Variants in EPS8 observed in about 807,000 individuals in gnomAD.
The protein encoded by EPS8 is epidermal growth factor receptor kinase substrate 8.
EPS8 carries 42 observed loss-of-function variants against 103.8 expected under a neutral mutation model. That is an observed-to-expected ratio of 0.40 (90% CI 0.32 to 0.52). EPS8 has a LOEUF of 0.52. EPS8 is among the 20% of genes least tolerant of loss of function. EPS8 has a pLI of 0.40. For missense variants in EPS8, 969 were observed against 1,005.1 expected (o/e 0.96, Z 0.49); for synonymous variants, 344 against 344.6 (o/e 1.00, Z 0.02).
At chr12:15,705,250 G>C (rs1946369023) in intron 1 of EPS8, among the ~76,000 whole-genome samples, 1 of 152,110 alleles carries the variant, frequency 6.6e-6, no homozygotes, top group African/African-American at 2.4e-5. Flanking sequence ...CCTACACACT[G>C]ATCTCAGTCT....
At chr12:15,737,088 G>A (rs1293722786) in intron 1 of EPS8, among the ~76,000 whole-genome samples, 2 of 152,104 alleles carry the variant, frequency 1.3e-5, no homozygotes, top group Non-Finnish European at 2.9e-5. Context: ...AGGGGCTCAG[G>A]CCTCATACCT....
intron 15 of EPS8, among the ~76,000 whole-genome samples, chr12:15,643,420 T>C (rs541306045): frequency 5.3e-5 from 8 of 152,210 alleles, no homozygotes; most frequent in African/African-American, 1.9e-4. Flanking sequence ...AAACAGACAA[T>C]CACAATTTGT....
At chr12:15,743,080 C>T (rs968500281) in intron 1 of EPS8, among the ~76,000 whole-genome samples, 1 of 152,142 alleles carries the variant, frequency 6.6e-6, no homozygotes, top group African/African-American at 2.4e-5. Flanking sequence ...GATACAAAAT[C>T]AATGTGCAAA....
At chr12:15,729,248 TTG>T (rs1946687147) in intron 1 of EPS8, among the ~76,000 whole-genome samples, 1 of 152,216 alleles carries the variant, frequency 6.6e-6, no homozygotes, top group Non-Finnish European at 1.5e-5. Context: ...TGTCCTGAGC[TTG>T]GCGTCTCTCA....
chr12:15,687,845 T>A (rs991745043), intron 1 of EPS8, among the ~76,000 whole-genome samples: 8 of 152,206 alleles, frequency 5.3e-5, no homozygotes, highest in Non-Finnish European at 1.0e-4. Flanking sequence ...TTCAAAATGT[T>A]TTGATATTTT....
Position 15,784,750 on chromosome 12 carries a change from T to C in EPS8, c.-22+4411A>G, listed in dbSNP as rs1591942294. Among the ~76,000 whole-genome samples the C allele has an allele frequency of 6.6e-6, 1 of 152,102 alleles. No homozygotes were observed. The highest frequency in any genetic ancestry group is 2.4e-5 in the African/African-American group (1 of 41,440). On this transcript the variant is annotated intron_variant, in intron 1 of 20. Coordinates refer to ENST00000281172, the MANE Select transcript of EPS8 (RefSeq NM_004447.6). This position sits in a 1 kb window ranked among gnomAD's most constrained non-coding sequence, Gnocchi z 4.0. ...TGGAAGCAACCAAAATATCCTTCAA[T>C]AGGTGAATAAACAAACCATGATATA...
At chr12:15,627,940 T>C (rs963766118) in intron 18 of EPS8, among the ~76,000 whole-genome samples, 2 of 152,102 alleles carry the variant, frequency 1.3e-5, no homozygotes, top group African/African-American at 2.4e-5. Context: ...CTATGATTTT[T>C]CCCCCCTAGG....
chr12:15,765,793 G>A (rs999235562), intron 1 of EPS8, among the ~76,000 whole-genome samples: 1 of 150,884 alleles, frequency 6.6e-6, no homozygotes, highest in African/African-American at 2.4e-5. Flanking sequence ...TCTACTTTTG[G>A]AGAAAAGTGG....
In EPS8 at chr12:15,702,544, C is replaced by A. The variant is rs1946323504; in HGVS notation, c.-21-19572G>T. 6.6e-6 allele frequency among the ~76,000 whole-genome samples: 1 copy of A among 152,010 alleles called. No individual in the cohort carries two copies. Among genetic ancestry groups the A allele is most frequent in the Non-Finnish European group, 1.5e-5 (1 of 68,014 alleles). ...TATGAGATCAGTGTCTGGAAATCTT[C>A]ATAGAGCAGCAGCAAACTACTGAAG... On this transcript the variant is annotated intron_variant, in intron 1 of 20. Coordinates refer to ENST00000281172, the MANE Select transcript of EPS8 (RefSeq NM_004447.6). The surrounding 1 kb of genome is among the most constrained non-coding windows in gnomAD (Gnocchi z 5.1).
intron 1 of EPS8, among the ~76,000 whole-genome samples, chr12:15,711,006 A>G (rs1044153766): frequency 6.6e-6 from 1 of 151,906 alleles, no homozygotes; most frequent in Non-Finnish European, 1.5e-5. Flanking sequence ...AGTAGCTGGG[A>G]CTACAGGCAT....
chr12:15,654,092 C>A, intron 13 of EPS8, 53 bp downstream of exon 13: 1 of 1,514,026 alleles, frequency 6.6e-7, no homozygotes, highest in Non-Finnish European at 9.1e-7. Context: ...TCATTAGATC[C>A]ATGTAATTAA....
intron 1 of EPS8, among the ~76,000 whole-genome samples, chr12:15,766,159 T>C (rs1193853387): frequency 6.6e-6 from 1 of 151,406 alleles, no homozygotes; most frequent in Non-Finnish European, 1.5e-5. Context: ...GCAGTTTGTT[T>C]TAGTGTTTAA....
At chr12:15,628,647 A>C (rs1944990741) in intron 18 of EPS8, among the ~76,000 whole-genome samples, 1 of 152,232 alleles carries the variant, frequency 6.6e-6, no homozygotes, top group South Asian at 2.1e-4. Flanking sequence ...AATAGGCAAC[A>C]CACAGACTTC....
chr12:15,645,548 C>T (rs571281537), intron 15 of EPS8, among the ~76,000 whole-genome samples: 5 of 152,102 alleles, frequency 3.3e-5, no homozygotes, highest in Non-Finnish European at 7.4e-5. Context: ...AAAGATATAA[C>T]TAAATCAATA....
Position 15,734,132 on chromosome 12 carries a change from T to G in EPS8, c.-21-51160A>C, listed in dbSNP as rs1468611432. 6.6e-6 allele frequency among the ~76,000 whole-genome samples: 1 copy of G among 152,190 alleles called. No individual in the cohort carries two copies. Among genetic ancestry groups the G allele is most frequent in the Non-Finnish European group, 1.5e-5 (1 of 68,026 alleles). On this transcript the variant is annotated intron_variant, in intron 1 of 20. Coordinates refer to ENST00000281172, the MANE Select transcript of EPS8 (RefSeq NM_004447.6). The surrounding 1 kb of genome is among the most constrained non-coding windows in gnomAD (Gnocchi z 4.1). ...CTGGGATTACAGGACTGAGTCATCA[T>G]GCCTGGCCAGAAAATTCATTTTTAA... is the stretch of plus-strand genomic sequence containing the variant.
Position 15,785,916 on chromosome 12 carries a change from T to G in EPS8, c.-22+3245A>C, listed in dbSNP as rs1443966827. Among the ~76,000 whole-genome samples the G allele has an allele frequency of 6.6e-6, 1 of 151,512 alleles. No homozygotes were observed. The highest frequency in any genetic ancestry group is 1.5e-5 in the Non-Finnish European group (1 of 67,826). The stretch of plus-strand genomic sequence containing the variant: ...TTAGATAGATAGATAGATTTTATAT[T>G]TATATAATATATATATATCCATGAG... On this transcript the variant is annotated intron_variant, in intron 1 of 20. Transcript: ENST00000281172. The surrounding 1 kb of genome is among the most constrained non-coding windows in gnomAD (Gnocchi z 4.9).
intron 1 of EPS8, among the ~76,000 whole-genome samples, chr12:15,715,389 C>G (rs367648287): frequency 1.6e-5 from 1 of 63,894 alleles, no homozygotes; most frequent in African/African-American, 3.4e-5. Context: ...TTTTTCTTTA[C>G]TTTTCTTTTT....
At position 15,749,172 on chromosome 12, in the gene EPS8, T is replaced by C. The variant is rs568726363; in HGVS notation, c.-22+39989A>G. On this transcript the variant is annotated intron_variant, in intron 1 of 20. Transcript: ENST00000281172. This position sits in a 1 kb window ranked among gnomAD's most constrained non-coding sequence, Gnocchi z 4.0. ...TTAAGATTATGCCTTAGGCTCTCAC[T>C]AAGGGCCAATATAGGAAACAAGTAA... Among the ~76,000 whole-genome samples, 54 of 152,282 alleles carry C rather than the reference T, an allele frequency of 3.5e-4. No individual in the cohort carries two copies. The highest frequency in any genetic ancestry group is 6.8e-3 in the Middle Eastern group (2 of 294).
At chr12:15,773,537 A>G (rs1238105069) in intron 1 of EPS8, among the ~76,000 whole-genome samples, 1 of 151,934 alleles carries the variant, frequency 6.6e-6, no homozygotes, top group African/African-American at 2.4e-5. Flanking sequence ...GAGACTATGG[A>G]GAGAGATTTA....
Sources: gnomAD v4.1 joint callset for allele counts (sites outside exome capture counted in the v4.1 genomes callset) on GRCh38, gnomAD v4.1.1 for gene constraint, Gnocchi (gnomAD v3.1) non-coding constraint, MANE v1.5 for transcripts, NCBI Gene and HGNC (gene_info 2026-07-23, HGNC 2026-07-21) for gene names.